CDH18: variants seen among roughly 807,000 people sequenced by gnomAD.
The protein encoded by CDH18 is cadherin-18.
A neutral mutation model predicts 67.9 loss-of-function variants in CDH18; 31 were observed. That is an observed-to-expected ratio of 0.46 (90% CI 0.34 to 0.62). CDH18 has a LOEUF of 0.62. Among genes scored for constraint, CDH18 ranks in the 20% least tolerant of loss-of-function variants. The probability of loss-of-function intolerance (pLI) is 0.01; values close to 1 mark genes in which losing one functional copy is unlikely to be tolerated. For synonymous variants in CDH18, 362 were observed against 347.2 expected (o/e 1.04, Z -0.48); for missense variants, 890 against 975.5 (o/e 0.91, Z 1.17).
chr5:20,011,069 T>A (rs1737398257), intron 2 of CDH18, among the ~76,000 whole-genome samples: 1 of 152,302 alleles, frequency 6.6e-6, no homozygotes, highest in Middle Eastern at 3.4e-3. Flanking sequence ...ACCTTTTATC[T>A]CAAACAACTG....
At chr5:19,802,278 A>C (rs1360786602) in intron 3 of CDH18, among the ~76,000 whole-genome samples, 1 of 152,210 alleles carries the variant, frequency 6.6e-6, no homozygotes, top group African/African-American at 2.4e-5. Flanking sequence ...TAGCTAATGA[A>C]CTGAACAAGC....
intron 2 of CDH18, among the ~76,000 whole-genome samples, chr5:20,160,149 C>A (rs1330320528): frequency 6.6e-6 from 1 of 152,148 alleles, no homozygotes; most frequent in Non-Finnish European, 1.5e-5. Flanking sequence ...ACTGCATAGT[C>A]CTAACACAGA....
At chr5:20,557,865 T>C (rs1373376188) in intron 1 of CDH18, among the ~76,000 whole-genome samples, 1 of 109,618 alleles carries the variant, frequency 9.1e-6, no homozygotes, top group Non-Finnish European at 1.9e-5. Flanking sequence ...CATTTAATGT[T>C]ATAGTTATAT....
chr5:19,479,035 T>A (rs1020190687), intron 12 of CDH18, among the ~76,000 whole-genome samples: 2 of 152,192 alleles, frequency 1.3e-5, no homozygotes, highest in Admixed American at 6.5e-5. Flanking sequence ...ATTCCGACCA[T>A]GTTGTAAAAT....
At chr5:19,845,508 T>C (rs970823356) in intron 2 of CDH18, among the ~76,000 whole-genome samples, 2 of 152,110 alleles carry the variant, frequency 1.3e-5, no homozygotes, top group Non-Finnish European at 2.9e-5. Flanking sequence ...TAATGTTCCA[T>C]ATATGTCTGT....
chr5:20,186,938 T>C (rs1738148324), intron 2 of CDH18, among the ~76,000 whole-genome samples: 1 of 151,936 alleles, frequency 6.6e-6, no homozygotes, highest in Non-Finnish European at 1.5e-5. Flanking sequence ...GTGGTGTATA[T>C]GTACAAGGCA....
At chr5:19,744,763 T>C (rs6894851) in intron 4 of CDH18, among the ~76,000 whole-genome samples, 114,066 of 152,100 alleles carry the variant, frequency 0.75, 44,992 homozygotes, top group South Asian at 0.87. Flanking sequence ...GGACTCAACT[T>C]TCTAACAGAT....
At chr5:20,070,851 A>T (rs1334082602) in intron 2 of CDH18, among the ~76,000 whole-genome samples, 1 of 152,176 alleles carries the variant, frequency 6.6e-6, no homozygotes, top group African/African-American at 2.4e-5. Flanking sequence ...AACAATTATG[A>T]CTCAACAGAA....
chr5:19,984,728 A>G (rs1292400152), intron 1 of CDH18, among the ~76,000 whole-genome samples: 1 of 152,214 alleles, frequency 6.6e-6, no homozygotes, highest in African/African-American at 2.4e-5. Context: ...ATGGATAAAG[A>G]AAATGGCCTA....
At chr5:19,936,238 A>G (rs1235438279) in intron 2 of CDH18, among the ~76,000 whole-genome samples, 1 of 151,286 alleles carries the variant, frequency 6.6e-6, no homozygotes, top group Non-Finnish European at 1.5e-5. Flanking sequence ...CCTTCGGTAT[A>G]AAAAGTGCAA....
At chr5:19,766,117 G>T (rs1197865169) in intron 3 of CDH18, among the ~76,000 whole-genome samples, 1 of 152,086 alleles carries the variant, frequency 6.6e-6, no homozygotes, top group Non-Finnish European at 1.5e-5. Context: ...GACCTCAGGC[G>T]ATCTGCCTGT....
intron 1 of CDH18, among the ~76,000 whole-genome samples, chr5:20,496,264 A>C (rs1753899289): frequency 6.6e-6 from 1 of 152,128 alleles, no homozygotes; most frequent in Admixed American, 6.6e-5. Flanking sequence ...GAAACAATTT[A>C]TCTTTAGGTT....
intron 3 of CDH18, among the ~76,000 whole-genome samples, chr5:19,818,867 T>C (rs938572444): frequency 5.3e-5 from 8 of 152,156 alleles, no homozygotes; most frequent in Non-Finnish European, 5.9e-5. Flanking sequence ...CAGGAGAAAA[T>C]CAGTTACTTT....
intron 6 of CDH18, among the ~76,000 whole-genome samples, chr5:19,602,784 T>C (rs1028536591): frequency 2.6e-5 from 4 of 151,884 alleles, no homozygotes; most frequent in Non-Finnish European, 5.9e-5. Context: ...GCCAACATGA[T>C]AAAACCCTAT....
chr5:19,601,743 T>C (rs1030178131), intron 6 of CDH18, among the ~76,000 whole-genome samples: 3 of 152,046 alleles, frequency 2.0e-5, no homozygotes, highest in Admixed American at 6.5e-5. Context: ...ATCAAAGGAA[T>C]GTACACCATG....
At chr5:20,461,132 G>A (rs1289964486) in intron 1 of CDH18, among the ~76,000 whole-genome samples, 3 of 152,156 alleles carry the variant, frequency 2.0e-5, no homozygotes, top group South Asian at 2.1e-4. Flanking sequence ...GGTCTTGGGT[G>A]TCTGACAGCC....
intron 5 of CDH18, among the ~76,000 whole-genome samples, chr5:19,664,456 C>T (rs559337027): frequency 8.6e-5 from 13 of 151,606 alleles, no homozygotes; most frequent in South Asian, 6.2e-4. Context: ...ATTATGGGTT[C>T]GCTAAATCAA....
intron 3 of CDH18, among the ~76,000 whole-genome samples, chr5:19,779,615 G>C (rs1034280235): frequency 6.6e-6 from 1 of 152,128 alleles, no homozygotes; most frequent in Non-Finnish European, 1.5e-5. Flanking sequence ...AAGGAATTCA[G>C]AATTCGCCAC....
chr5:20,506,124 G>T (rs906964422), intron 1 of CDH18, among the ~76,000 whole-genome samples: 3 of 152,226 alleles, frequency 2.0e-5, no homozygotes, highest in African/African-American at 7.2e-5. Context: ...AAATGTAAGA[G>T]ATTGTTGAGA....
Sources: gnomAD v4.1 joint callset for allele counts (sites outside exome capture counted in the v4.1 genomes callset) on GRCh38, gnomAD v4.1.1 for gene constraint, MANE v1.5 for transcripts, NCBI Gene and HGNC (gene_info 2026-07-23, HGNC 2026-07-21) for gene names.